Variants in TRPM4 observed in about 807,000 individuals in gnomAD.
TRPM4 encodes transient receptor potential cation channel subfamily M member 4.
In TRPM4, 124 loss-of-function variants were observed where a neutral mutation model predicts 135.6. That is an observed-to-expected ratio of 0.91 (90% CI 0.79 to 1.06). TRPM4 has a LOEUF of 1.06. Ranked by LOEUF, TRPM4 falls within the 50% of genes least tolerant of loss-of-function variation. The probability of loss-of-function intolerance (pLI) is 0.00; values close to 1 mark genes in which losing one functional copy is unlikely to be tolerated. For synonymous variants in TRPM4, 745 were observed against 705.6 expected (o/e 1.06, Z -0.88); for missense variants, 1,658 against 1,671.4 (o/e 0.99, Z 0.14).
rs1967442164 is a variant in TRPM4 at position 49,171,284 on chromosome 19, GA to G, written c.797-70del. On this transcript the variant is annotated intron_variant, in intron 6 of 24. Transcript: ENST00000252826. The surrounding 1 kb of genome is among the most constrained non-coding windows in gnomAD (Gnocchi z 4.7). ...AAGGCTGATGTTTGCCGACTCCTGG[GA>G]AATGCGGTTTTCTCCTATCTCCAGC... 1.3e-6 allele frequency: 2 copies of G among 1,544,812 alleles called. No homozygotes were observed. Among genetic ancestry groups the G allele is most frequent in the Non-Finnish European group, 1.8e-6 (2 of 1,116,832 alleles).
At chr19:49,164,007 C>A (rs1967066746) in intron 2 of TRPM4, among the ~76,000 whole-genome samples, 1 of 152,186 alleles carries the variant, frequency 6.6e-6, no homozygotes, top group Admixed American at 6.5e-5. Context: ...TTGGTTCATC[C>A]CATGTGTGGA....
intron 6 of TRPM4, among the ~76,000 whole-genome samples, chr19:49,169,988 T>G (rs1189291282): frequency 6.6e-6 from 1 of 152,212 alleles, no homozygotes; most frequent in African/African-American, 2.4e-5. Context: ...TTTATTTTTA[T>G]TTTTGGTGGG....
intron 9 of TRPM4, among the ~76,000 whole-genome samples, chr19:49,175,336 A>G (rs1408138129): frequency 6.6e-6 from 1 of 151,986 alleles, no homozygotes; most frequent in East Asian, 1.9e-4. Flanking sequence ...CGGCCTCCCA[A>G]AGTGCTGGGA....
Position 49,182,747 on chromosome 19 carries a change from A to C in TRPM4, c.1433A>C (p.Asp478Ala), listed in dbSNP as rs1472648659. The C allele has an allele frequency of 1.2e-6, 2 of 1,613,868 alleles. No individual in the cohort carries two copies. Among genetic ancestry groups the C allele is most frequent in the Non-Finnish European group, 1.7e-6 (2 of 1,179,840 alleles). Residue 478 changes from aspartate (D) to alanine (A), a missense_variant, in exon 11 of 25, where the codon GAC becomes GCC. Asp to Ala is a moderately radical substitution (Grantham distance 126). Around this residue, in one of 3 missense-constraint regions of TRPM4, gnomAD observed 1,412 missense variants for 1,408.7 expected, o/e 1.00. Transcript: ENST00000252826. Reference sequence around the variant, plus strand: ...AACTCGCTCATCCGCAACCTTTTGGACCAGGCGTCCCACAGCGCAGGCACC... The same window carrying C: ...AACTCGCTCATCCGCAACCTTTTGGCCCAGGCGTCCCACAGCGCAGGCACC... ...PSNSLIRNLL[D>A]QASHSAGTKA...
intron 12 of TRPM4, among the ~76,000 whole-genome samples, chr19:49,185,016 C>T (rs1968146840): frequency 6.6e-6 from 1 of 151,534 alleles, no homozygotes; most frequent in African/African-American, 2.4e-5. Context: ...GGAAACCCTG[C>T]CTCTATCTCT....
chr19:49,210,966 G>C lies in TRPM4; in HGVS notation c.3462-49G>C. ...GGCCCGGGAAGCAGGCAGAGCCCTG[G>C]GGGTGGGTGGGCTGCGGGTGCCCCC... On this transcript the variant is annotated intron_variant, in intron 22 of 24. Transcript: ENST00000252826. The surrounding 1 kb of genome is among the most constrained non-coding windows in gnomAD (Gnocchi z 4.1). 1 of 1,605,834 alleles carries C rather than the reference G, an allele frequency of 6.2e-7. No homozygotes were observed. Among genetic ancestry groups the C allele is most frequent in the Non-Finnish European group, 8.5e-7 (1 of 1,176,142 alleles).
rs577003904 is a variant in TRPM4, at chr19:49,197,471, C to A, written c.2645+597C>A. Among the ~76,000 whole-genome samples the A allele has an allele frequency of 3.3e-3, 274 of 81,964 alleles. 1 individual carries two copies. The highest frequency in any genetic ancestry group is 0.012 in the African/African-American group (247 of 19,966). The allele number at this position is 81,964 out of a possible 152,430, so 53.8% of individuals were successfully genotyped here. ...CTGTCCTCTGCCCCTCTGCCTCCCT[C>A]CCTCCTTCCTTCCTTCCTTCCTTCC... On this transcript the variant is annotated intron_variant, in intron 17 of 24. Transcript: ENST00000252826.
chr19:49,172,790 A>G (rs1430401120), intron 9 of TRPM4, among the ~76,000 whole-genome samples: 4 of 136,424 alleles, frequency 2.9e-5, no homozygotes, highest in Non-Finnish European at 4.9e-5. Flanking sequence ...TCACCTGTCC[A>G]TCCACACATC....
intron 2 of TRPM4, 25 bp downstream of exon 2, chr19:49,158,284 C>T (rs771332173): frequency 3.7e-6 from 6 of 1,609,638 alleles, no homozygotes; most frequent in East Asian, 4.5e-5. Flanking sequence ...CCTGGACTGA[C>T]CCCAGAGGGT....
chr19:49,172,173 G>A, intron 9 of TRPM4, 65 bp downstream of exon 9: 1 of 1,259,972 alleles, frequency 7.9e-7, no homozygotes, highest in South Asian at 1.2e-5. Flanking sequence ...TTCCTGGCCT[G>A]GGCACTTCAT....
chr19:49,196,813 G>C lies in TRPM4; in HGVS notation c.2584G>C (p.Asp862His). 6.3e-7 allele frequency: 1 copy of C among 1,589,136 alleles called. No individual in the cohort carries two copies. The highest frequency in any genetic ancestry group is 8.5e-7 in the Non-Finnish European group (1 of 1,175,146). ...CCAGCGCCTGCGCCTCTACCTCGCCGACAGCTGGAACCAGTGCGACCTAGT... is the reference window on the plus strand; with the variant it reads ...CCAGCGCCTGCGCCTCTACCTCGCCCACAGCTGGAACCAGTGCGACCTAGT... Reference protein sequence around the residue: ...LSQRLRLYLADSWNQCDLVAL... With the variant: ...LSQRLRLYLAHSWNQCDLVAL... The change falls in exon 17 of 25, where the codon GAC (aspartate) becomes CAC (histidine). Residue 862 changes from aspartate (D) to histidine (H), a missense_variant. Coordinates refer to ENST00000252826, the MANE Select transcript of TRPM4 (RefSeq NM_017636.4).
chr19:49,210,594 T>G lies in TRPM4; in HGVS notation c.3329-116T>G, dbSNP rs1393580609. The G allele has an allele frequency of 4.5e-6, 7 of 1,543,818 alleles. No individual in the cohort carries two copies. Among genetic ancestry groups the G allele is most frequent in the Non-Finnish European group, 6.2e-6 (7 of 1,125,040 alleles). Reference sequence around the variant, plus strand: ...TACGGGTGAGGGGCGGGGCATGTTCTCGAATCACCAGGGGCTGGGTCTGGG... The same window carrying G: ...TACGGGTGAGGGGCGGGGCATGTTCGCGAATCACCAGGGGCTGGGTCTGGG... On this transcript the variant is annotated intron_variant, in intron 21 of 24. Coordinates refer to ENST00000252826, the MANE Select transcript of TRPM4 (RefSeq NM_017636.4). This position sits in a 1 kb window ranked among gnomAD's most constrained non-coding sequence, Gnocchi z 4.1.
chr19:49,193,887 AT>A (rs1442507507), intron 16 of TRPM4, among the ~76,000 whole-genome samples: 1 of 132,996 alleles, frequency 7.5e-6, no homozygotes, highest in Non-Finnish European at 1.6e-5. Context: ...CCTCCTTGTC[AT>A]CCTCCTTCTC....
chr19:49,180,002 AG>A (rs1156579390), intron 9 of TRPM4, among the ~76,000 whole-genome samples: 1 of 152,218 alleles, frequency 6.6e-6, no homozygotes, highest in Non-Finnish European at 1.5e-5. Context: ...GCTTGCCTGA[AG>A]TCACTCAGTT....
At chr19:49,192,623 T>C (rs1184450253) in intron 16 of TRPM4, among the ~76,000 whole-genome samples, 1 of 151,978 alleles carries the variant, frequency 6.6e-6, no homozygotes, top group Non-Finnish European at 1.5e-5. Flanking sequence ...AAGAACTAAA[T>C]GATGAGAACA....
chr19:49,166,298 C>T, intron 3 of TRPM4, 83 bp downstream of exon 3: 1 of 1,424,568 alleles, frequency 7.0e-7, no homozygotes. Flanking sequence ...GACGCCCGCC[C>T]TGAACCCTGG....
chr19:49,210,677 G>T lies in TRPM4; in HGVS notation c.3329-33G>T. The T allele has an allele frequency of 6.2e-7, 1 of 1,613,794 alleles. No individual in the cohort carries two copies. The highest frequency in any genetic ancestry group is 8.5e-7 in the Non-Finnish European group (1 of 1,179,994). ...GCAGCTGGGATTGGGAAGGGGCGTG[G>T]CCTGAGCCCTTTGACTCCGCCCGCC... On this transcript the variant is annotated intron_variant, in intron 21 of 24. Coordinates refer to ENST00000252826, the MANE Select transcript of TRPM4 (RefSeq NM_017636.4). This position sits in a 1 kb window ranked among gnomAD's most constrained non-coding sequence, Gnocchi z 4.1.
rs1969329254 is a variant in TRPM4, at chr19:49,210,772, A to G, written c.3391A>G (p.Asn1131Asp). The G allele has an allele frequency of 1.2e-6, 2 of 1,614,056 alleles. No homozygotes were observed. Among genetic ancestry groups the G allele is most frequent in the Non-Finnish European group, 1.7e-6 (2 of 1,180,012 alleles). ...AACGTGGGAATCGGTGCATAAGGAG[A>G]ACTTTCTGCTGGCACGCGCTAGGGA... is the stretch of plus-strand genomic sequence containing the variant. The part of the protein sequence containing the change: ...LLTWESVHKE[N>D]FLLARARDKR... The change falls in exon 22 of 25, where the codon AAC (asparagine) becomes GAC (aspartate). Residue 1131 changes from asparagine to aspartate, a missense_variant. Asn to Asp is a conservative substitution (Grantham distance 23, BLOSUM62 1). This residue lies in a region of TRPM4 where 1,412 missense variants were observed against 1,408.7 expected (regional missense o/e 1.00). Coordinates refer to ENST00000252826, the MANE Select transcript of TRPM4 (RefSeq NM_017636.4). The surrounding 1 kb of genome is among the most constrained non-coding windows in gnomAD (Gnocchi z 4.1).
At chr19:49,160,048 C>G (rs906891678) in intron 2 of TRPM4, 4 of 152,266 alleles carry the variant, frequency 2.6e-5, no homozygotes, top group East Asian at 1.9e-4. Context: ...TTGCAGCTCC[C>G]AAAGACGAGC....
Sources: gnomAD v4.1 joint callset for allele counts (sites outside exome capture counted in the v4.1 genomes callset) on GRCh38, gnomAD v4.1.1 for gene constraint, gnomAD v4.1.1 regional missense constraint, Gnocchi (gnomAD v3.1) non-coding constraint, MANE v1.5 for transcripts, NCBI Gene and HGNC (gene_info 2026-07-23, HGNC 2026-07-21) for gene names.